GALNT18: variants seen among roughly 807,000 people sequenced by gnomAD.
GALNT18 encodes polypeptide N-acetylgalactosaminyltransferase 18.
In GALNT18, 44 loss-of-function variants were observed where a neutral mutation model predicts 69.5. The ratio of observed to expected loss-of-function variants is 0.63; its 90% CI spans 0.50 to 0.81. The LOEUF is 0.81. Ranked by LOEUF, GALNT18 falls within the 40% of genes least tolerant of loss-of-function variation. The probability of loss-of-function intolerance (pLI) is 0.00; values close to 1 mark genes in which losing one functional copy is unlikely to be tolerated. For missense variants in GALNT18, 715 were observed against 810.0 expected (o/e 0.88, Z 1.42); for synonymous variants, 364 against 318.2 (o/e 1.14, Z -1.53).
At chr11:11,419,355 G>A (rs1854940516) in intron 3 of GALNT18, among the ~76,000 whole-genome samples, 1 of 151,960 alleles carries the variant, frequency 6.6e-6, no homozygotes, top group African/African-American at 2.4e-5. Context: ...TCAGCACTCT[G>A]GGAGGCCAAG....
At chr11:11,544,207 C>T (rs1043110748) in intron 1 of GALNT18, among the ~76,000 whole-genome samples, 3 of 152,186 alleles carry the variant, frequency 2.0e-5, no homozygotes, top group Non-Finnish European at 4.4e-5. Context: ...GGAAACCAAG[C>T]ACATAGTAAT....
At chr11:11,281,066 G>A (rs1177928420) in intron 10 of GALNT18, among the ~76,000 whole-genome samples, 1 of 152,168 alleles carries the variant, frequency 6.6e-6, no homozygotes, top group Non-Finnish European at 1.5e-5. Flanking sequence ...CCAGTTCCCT[G>A]GCCCCACCGC....
chr11:11,392,573 C>A (rs776704414), intron 3 of GALNT18, among the ~76,000 whole-genome samples: 1 of 152,116 alleles, frequency 6.6e-6, no homozygotes, highest in African/African-American at 2.4e-5. Flanking sequence ...GAGCAGAGAT[C>A]GCGCCATCAC....
At chr11:11,594,107 G>C (rs1321636569) in intron 1 of GALNT18, among the ~76,000 whole-genome samples, 1 of 152,210 alleles carries the variant, frequency 6.6e-6, no homozygotes, top group Non-Finnish European at 1.5e-5. Flanking sequence ...ACATGAGAGA[G>C]AGGAGAAAGC....
At position 11,337,663 on chromosome 11, in the gene GALNT18, G is replaced by A. The variant is rs990560796; in HGVS notation, c.1278+3156C>T. Among the ~76,000 whole-genome samples the A allele has an allele frequency of 9.9e-5, 15 of 152,160 alleles. No homozygotes were observed. Among genetic ancestry groups the A allele is most frequent in the African/African-American group, 2.9e-4 (12 of 41,440 alleles). On this transcript the variant is annotated intron_variant, in intron 7 of 10. Coordinates refer to ENST00000227756, the MANE Select transcript of GALNT18 (RefSeq NM_198516.3). This position sits in a 1 kb window ranked among gnomAD's most constrained non-coding sequence, Gnocchi z 4.9. ...GGACCCCTGGAGCTGAGTCTCAAAG[G>A]ATGGGGAAGATTTAGTAGGGGTGGT...
Position 11,600,308 on chromosome 11 carries a change from G to A in GALNT18, c.235+21051C>T, listed in dbSNP as rs563451155. Among the ~76,000 whole-genome samples the A allele has an allele frequency of 6.6e-5, 10 of 152,160 alleles. No homozygotes were observed. The East Asian group carries it at 1.9e-3, about 29-fold the overall frequency. ...TGAAGAACAATCTGTAGTATTTCTT[G>A]TAAGATGGACCTGATAACAACAAAT... On this transcript the variant is annotated intron_variant, in intron 1 of 10. Transcript: ENST00000227756. This position sits in a 1 kb window ranked among gnomAD's most constrained non-coding sequence, Gnocchi z 4.8.
chr11:11,371,694 C>T (rs1850910160), intron 6 of GALNT18, among the ~76,000 whole-genome samples: 1 of 152,130 alleles, frequency 6.6e-6, no homozygotes, highest in African/African-American at 2.4e-5. Context: ...ACTCCCTGGT[C>T]CTAGAGGTGG....
intron 7 of GALNT18, among the ~76,000 whole-genome samples, chr11:11,333,585 A>G (rs1850056463): frequency 6.6e-6 from 1 of 152,070 alleles, no homozygotes; most frequent in Non-Finnish European, 1.5e-5. Flanking sequence ...GGAAGATCCC[A>G]CCCTTCTGCC....
chr11:11,606,523 A>T lies in GALNT18; in HGVS notation c.235+14836T>A, dbSNP rs1378599160. Among the ~76,000 whole-genome samples, 1 of 152,124 alleles carries T rather than the reference A, an allele frequency of 6.6e-6. No individual in the cohort carries two copies. The highest frequency in any genetic ancestry group is 1.5e-5 in the Non-Finnish European group (1 of 68,022). On this transcript the variant is annotated intron_variant, in intron 1 of 10. Transcript: ENST00000227756. This position sits in a 1 kb window ranked among gnomAD's most constrained non-coding sequence, Gnocchi z 5.4. Reference sequence around the variant, plus strand: ...TATCTGCCCCTCCTCTATCCGAATCATCACTCTGGTTTGAGGGGCTGAGAA... The same window carrying T: ...TATCTGCCCCTCCTCTATCCGAATCTTCACTCTGGTTTGAGGGGCTGAGAA...
intron 1 of GALNT18, among the ~76,000 whole-genome samples, chr11:11,516,733 G>C (rs891020760): frequency 7.2e-5 from 11 of 152,196 alleles, no homozygotes; most frequent in Non-Finnish European, 4.4e-5. Flanking sequence ...GTTGGGGCTA[G>C]ACAGGGCCAA....
In GALNT18 at chr11:11,601,757, A is replaced by C. The variant is rs1249656420; in HGVS notation, c.235+19602T>G. ...CTTAACATCATCAATAGATTCTTGG[A>C]AACTGTGACTTTAAGCAAAATATAA... On this transcript the variant is annotated intron_variant, in intron 1 of 10. Transcript: ENST00000227756. This position sits in a 1 kb window ranked among gnomAD's most constrained non-coding sequence, Gnocchi z 4.0. Among the ~76,000 whole-genome samples the C allele has an allele frequency of 6.6e-6, 1 of 152,204 alleles. No homozygotes were observed. Among genetic ancestry groups the C allele is most frequent in the African/African-American group, 2.4e-5 (1 of 41,454 alleles).
chr11:11,531,622 G>T (rs1857650812), intron 1 of GALNT18, among the ~76,000 whole-genome samples: 1 of 152,182 alleles, frequency 6.6e-6, no homozygotes, highest in African/African-American at 2.4e-5. Flanking sequence ...CTCCTGCAGT[G>T]CTTTGGGCCC....
rs531371768 is a variant in GALNT18 at position 11,582,166 on chromosome 11, A to G, written c.235+39193T>C. 6.4e-4 allele frequency among the ~76,000 whole-genome samples: 98 copies of G among 152,328 alleles called. 1 individual carries two copies. Among genetic ancestry groups the G allele is most frequent in the South Asian group, 4.4e-3 (21 of 4,826 alleles). On this transcript the variant is annotated intron_variant, in intron 1 of 10. Coordinates refer to ENST00000227756, the MANE Select transcript of GALNT18 (RefSeq NM_198516.3). This position sits in a 1 kb window ranked among gnomAD's most constrained non-coding sequence, Gnocchi z 5.0. ...GAGGGCTGAACAAAGTGAAGAGGGCATTCCCGAAAGAGGAAAGAGCAGGCA... is the reference window on the plus strand; with the variant it reads ...GAGGGCTGAACAAAGTGAAGAGGGCGTTCCCGAAAGAGGAAAGAGCAGGCA...
chr11:11,333,393 CATACTT>C (rs1404945207), intron 7 of GALNT18, among the ~76,000 whole-genome samples: 7 of 152,170 alleles, frequency 4.6e-5, no homozygotes, highest in South Asian at 4.1e-4. Flanking sequence ...TTGTCCCACT[CATACTT>C]ATAAAGTAGC....
chr11:11,369,698 T>C (rs1197763320), intron 6 of GALNT18, among the ~76,000 whole-genome samples: 1 of 152,218 alleles, frequency 6.6e-6, no homozygotes, highest in Non-Finnish European at 1.5e-5. Context: ...TTATCATTTA[T>C]ATAATCTTTC....
intron 7 of GALNT18, among the ~76,000 whole-genome samples, chr11:11,333,098 A>T (rs1850048476): frequency 6.6e-6 from 1 of 151,842 alleles, no homozygotes; most frequent in African/African-American, 2.4e-5. Flanking sequence ...AAGAAAAAAA[A>T]AAAAAGCTAT....
At chr11:11,452,389 C>A (rs1855821053) in intron 1 of GALNT18, among the ~76,000 whole-genome samples, 1 of 152,224 alleles carries the variant, frequency 6.6e-6, no homozygotes, top group Admixed American at 6.5e-5. Context: ...AGGTAAGGAG[C>A]TTGGCACGGT....
chr11:11,508,548 C>A (rs557554935), intron 1 of GALNT18, among the ~76,000 whole-genome samples: 22 of 152,318 alleles, frequency 1.4e-4, no homozygotes, highest in Non-Finnish European at 2.5e-4. Flanking sequence ...GGTGTTACTC[C>A]AAGGCCATGT....
intron 10 of GALNT18, among the ~76,000 whole-genome samples, chr11:11,284,995 T>C (rs1463741815): frequency 6.9e-6 from 1 of 144,272 alleles, no homozygotes; most frequent in Non-Finnish European, 1.5e-5. Flanking sequence ...CCAGGGCTTG[T>C]TGTGTGAAGG....
Sources: allele counts gnomAD v4.1 joint callset (sites outside exome capture counted in the v4.1 genomes callset), GRCh38; gene constraint gnomAD v4.1.1; non-coding constraint Gnocchi (gnomAD v3.1); transcripts MANE v1.5; gene names NCBI Gene and HGNC (gene_info 2026-07-23, HGNC 2026-07-21).